Variants in CDK19 observed in about 807,000 individuals in gnomAD.
CDK19 encodes the protein cyclin dependent kinase 19.
CDK19 carries 20 observed loss-of-function variants against 68.3 expected under a neutral mutation model. The ratio of observed to expected loss-of-function variants is 0.29; its 90% CI spans 0.21 to 0.43. The LOEUF is 0.43. Ranked by LOEUF, CDK19 falls within the 20% of genes least tolerant of loss-of-function variation. The probability of loss-of-function intolerance (pLI) is 1.00; values close to 1 mark genes in which losing one functional copy is unlikely to be tolerated. For synonymous variants in CDK19, 221 were observed against 222.8 expected, an observed-to-expected ratio of 0.99 and a Z score of 0.07; for missense variants, 339 against 623.5, an observed-to-expected ratio of 0.54 and a Z score of 4.86.
intron 1 of CDK19, among the ~76,000 whole-genome samples, chr6:110,764,673 G>T (rs903515369): frequency 1.3e-5 from 2 of 152,276 alleles, no homozygotes; most frequent in East Asian, 1.9e-4. Context: ...AGAGAAGGCC[G>T]GACACGGTGG....
chr6:110,805,321 G>T (rs1782608476), intron 1 of CDK19, among the ~76,000 whole-genome samples: 1 of 151,620 alleles, frequency 6.6e-6, no homozygotes, highest in African/African-American at 2.4e-5. Flanking sequence ...ATATTATATA[G>T]TCACAACATT....
chr6:110,647,118 C>CA (rs1780651671), intron 4 of CDK19, among the ~76,000 whole-genome samples: 1 of 152,246 alleles, frequency 6.6e-6, no homozygotes, highest in East Asian at 1.9e-4. Flanking sequence ...CTATCACCCC[C>CA]AAAGGAAAAG....
intron 2 of CDK19, among the ~76,000 whole-genome samples, chr6:110,715,519 C>T (rs542017659): frequency 6.6e-6 from 1 of 151,896 alleles, no homozygotes; most frequent in African/African-American, 2.4e-5. Context: ...TGAGACTAGT[C>T]GCTCTGTTGC....
At chr6:110,759,274 G>A (rs1779030889) in intron 1 of CDK19, among the ~76,000 whole-genome samples, 2 of 150,398 alleles carry the variant, frequency 1.3e-5, no homozygotes, top group South Asian at 2.1e-4. Context: ...GCATGGTGGC[G>A]GGTGCCTGTA....
intron 4 of CDK19, chr6:110,643,139 T>A: frequency 8.0e-7 from 1 of 1,248,514 alleles, no homozygotes; most frequent in South Asian, 1.3e-5. Context: ...AAAGGAAACC[T>A]AGATGCTACC....
intron 2 of CDK19, among the ~76,000 whole-genome samples, chr6:110,736,792 G>A (rs771878115): frequency 2.0e-5 from 3 of 152,098 alleles, no homozygotes; most frequent in East Asian, 1.9e-4. Flanking sequence ...ATTCAGACTC[G>A]GAGCCAAGCC....
At chr6:110,640,562 T>C (rs929211583) in intron 4 of CDK19, among the ~76,000 whole-genome samples, 1 of 152,154 alleles carries the variant, frequency 6.6e-6, no homozygotes, top group African/African-American at 2.4e-5. Flanking sequence ...TTTATGTGAC[T>C]GGAAGAATAA....
At chr6:110,618,380 G>A (rs996909352) in intron 12 of CDK19, among the ~76,000 whole-genome samples, 6 of 152,134 alleles carry the variant, frequency 3.9e-5, no homozygotes, top group African/African-American at 1.4e-4. Flanking sequence ...TGATCCACCC[G>A]CCTCAGCCTC....
At chr6:110,709,710 T>C (rs755707910) in intron 2 of CDK19, among the ~76,000 whole-genome samples, 1 of 152,168 alleles carries the variant, frequency 6.6e-6, no homozygotes, top group Non-Finnish European at 1.5e-5. Flanking sequence ...ACAACCCACA[T>C]GTAATTACAG....
intron 1 of CDK19, among the ~76,000 whole-genome samples, chr6:110,787,479 C>T (rs988182262): frequency 2.0e-5 from 3 of 152,140 alleles, no homozygotes; most frequent in African/African-American, 7.2e-5. Flanking sequence ...CAAGGTCTCA[C>T]TCTGTCACCC....
intron 2 of CDK19, among the ~76,000 whole-genome samples, chr6:110,677,124 T>A (rs2114490127): frequency 6.6e-6 from 1 of 152,344 alleles, no homozygotes; most frequent in Middle Eastern, 3.4e-3. Flanking sequence ...ATTTTGTTAC[T>A]TCTTCTAATT....
rs773385922 is a variant in CDK19 at position 110,614,314 on chromosome 6, A to G, written c.*221T>C. 41 of 419,910 alleles carry G rather than the reference A, an allele frequency of 9.8e-5. No individual in the cohort carries two copies. The highest frequency in any genetic ancestry group is 1.5e-4 in the Non-Finnish European group (36 of 232,318). 26.0% of individuals were successfully genotyped at this position (419,910 alleles called of 1,614,324 possible). A position where few individuals can be genotyped will look rare whatever the true frequency, so the allele number is the denominator to read the frequency against. ...TTTATCAGAGAAGTCACAATGGAAC[A>G]CATGCAGGGAAGGGGTGCTGGGGAA... On this transcript the variant is annotated 3_prime_UTR_variant, in exon 13 of 13. Coordinates refer to ENST00000368911, the MANE Select transcript of CDK19 (RefSeq NM_015076.5).
intron 2 of CDK19, among the ~76,000 whole-genome samples, chr6:110,719,972 G>GCCCCCCCCCCCCCCCCC (rs1167384607): frequency 2.2e-3 from 99 of 45,544 alleles, no homozygotes; most frequent in African/African-American, 2.6e-3. Flanking sequence ...CTTGTGATCC[G>GCCCCCCCCCCCCCCCCC]CCCCCCCCCC....
chr6:110,808,504 C>T (rs1306713501), intron 1 of CDK19, among the ~76,000 whole-genome samples: 1 of 152,176 alleles, frequency 6.6e-6, no homozygotes. Context: ...GCACCAGAGA[C>T]AGTAAAGCCC....
intron 4 of CDK19, among the ~76,000 whole-genome samples, chr6:110,650,498 A>G (rs1780892790): frequency 6.6e-6 from 1 of 152,248 alleles, no homozygotes; most frequent in African/African-American, 2.4e-5. Context: ...GTATCATATA[A>G]TAACAAAGAC....
Position 110,720,259 on chromosome 6 carries a change from C to T in CDK19, c.204+25867G>A, listed in dbSNP as rs368911230. ...TTCTTGACAAGGCAGTGATTCAAAG[C>T]CCTGACTAGGTTAAAATGTGACTTT... is the stretch of plus-strand genomic sequence containing the variant. On this transcript the variant is annotated intron_variant, in intron 2 of 12. Coordinates refer to ENST00000368911, the MANE Select transcript of CDK19 (RefSeq NM_015076.5). 6.6e-5 allele frequency among the ~76,000 whole-genome samples: 10 copies of T among 152,222 alleles called. 1 individual carries two copies. Among genetic ancestry groups the T allele is most frequent in the Admixed American group, 3.9e-4 (6 of 15,280 alleles).
chr6:110,621,994 G>A lies in CDK19; in HGVS notation c.1110+94C>T. The stretch of plus-strand genomic sequence containing the variant: ...CAAATTTAATTAAATATTAGAAAAG[G>A]TGGTTAAATGTATAGGAATTATGGA... On this transcript the variant is annotated intron_variant, in intron 11 of 12. Transcript: ENST00000368911. This position sits in a 1 kb window ranked among gnomAD's most constrained non-coding sequence, Gnocchi z 5.4. 1 of 616,082 alleles carries A rather than the reference G, an allele frequency of 1.6e-6. No homozygotes were observed. The highest frequency in any genetic ancestry group is 2.8e-6 in the Non-Finnish European group (1 of 357,852). The allele number at this position is 616,082 out of a possible 1,614,324, so 38.2% of individuals were successfully genotyped here. A position where few individuals can be genotyped will look rare whatever the true frequency, so the allele number is the denominator to read the frequency against.
intron 2 of CDK19, among the ~76,000 whole-genome samples, chr6:110,745,661 T>C (rs1443680438): frequency 6.6e-6 from 1 of 152,184 alleles, no homozygotes; most frequent in Non-Finnish European, 1.5e-5. Context: ...CAAAGATGAC[T>C]TTCAAGTAAC....
intron 1 of CDK19, among the ~76,000 whole-genome samples, chr6:110,803,716 A>C (rs1206813247): frequency 1.3e-5 from 2 of 152,376 alleles, no homozygotes; most frequent in African/African-American, 4.8e-5. Flanking sequence ...TTGTAATCCC[A>C]GCACTTTGGG....
Sources: allele counts gnomAD v4.1 joint callset (sites outside exome capture counted in the v4.1 genomes callset), GRCh38; gene constraint gnomAD v4.1.1; non-coding constraint Gnocchi (gnomAD v3.1); transcripts MANE v1.5; gene names NCBI Gene and HGNC (gene_info 2026-07-23, HGNC 2026-07-21).